Variants in LIPC observed in about 807,000 individuals in gnomAD.
The protein encoded by LIPC is lipase C, hepatic type.
In LIPC, 44 loss-of-function variants were observed where a neutral mutation model predicts 50.7. The ratio of observed to expected loss-of-function variants is 0.87; its 90% CI spans 0.68 to 1.11. The LOEUF (loss-of-function observed/expected upper bound fraction) is 1.11. Ranked by LOEUF, LIPC falls within the 50% of genes most tolerant of loss-of-function variation. The pLI is 0.00. For synonymous variants in LIPC, 271 were observed against 256.4 expected (o/e 1.06, Z -0.54); for missense variants, 697 against 648.2 (o/e 1.08, Z -0.82).
At chr15:58,490,102 A>G (rs1176867886) in intron 1 of LIPC, among the ~76,000 whole-genome samples, 1 of 152,258 alleles carries the variant, frequency 6.6e-6, no homozygotes, top group Non-Finnish European at 1.5e-5. Flanking sequence ...GACAGGATTT[A>G]CTATTCAGCA....
chr15:58,477,639 C>T (rs1294748032), intron 1 of LIPC, among the ~76,000 whole-genome samples: 1 of 152,152 alleles, frequency 6.6e-6, no homozygotes, highest in East Asian at 1.9e-4. Flanking sequence ...TTTTCAGCTC[C>T]ACTCATTCTG....
At chr15:58,529,629 G>A (rs1892899056) in intron 1 of LIPC, among the ~76,000 whole-genome samples, 1 of 152,236 alleles carries the variant, frequency 6.6e-6, no homozygotes, top group African/African-American at 2.4e-5. Flanking sequence ...CGGCCTTTAT[G>A]TGGCATGGAA....
At chr15:58,557,588 T>A (rs1420179037) in intron 6 of LIPC, among the ~76,000 whole-genome samples, 1 of 152,012 alleles carries the variant, frequency 6.6e-6, no homozygotes, top group Non-Finnish European at 1.5e-5. Context: ...GGTTTCACCG[T>A]GTTAGCCAGG....
At chr15:58,496,743 C>CAAAAA (rs10716717) in intron 1 of LIPC, among the ~76,000 whole-genome samples, 24 of 114,174 alleles carry the variant, frequency 2.1e-4, no homozygotes, top group Admixed American at 5.2e-4. Context: ...TCTTCCCCCT[C>CAAAAA]AAAAAAAAAA....
chr15:58,454,212 C>T (rs1210547619), intron 1 of LIPC: 1 of 152,188 alleles, frequency 6.6e-6, no homozygotes, highest in Non-Finnish European at 1.5e-5. Context: ...AGCAAATAAC[C>T]AGAGAAATAG....
At chr15:58,518,986 G>A (rs1370043459) in intron 1 of LIPC, among the ~76,000 whole-genome samples, 4 of 151,858 alleles carry the variant, frequency 2.6e-5, no homozygotes, top group Non-Finnish European at 5.9e-5. Flanking sequence ...GTTGACTCTA[G>A]AACCAAATTG....
intron 1 of LIPC, among the ~76,000 whole-genome samples, chr15:58,491,177 A>G (rs935974858): frequency 3.9e-5 from 6 of 152,158 alleles, no homozygotes; most frequent in Admixed American, 2.6e-4. Context: ...CCCCATCGCC[A>G]AAGAAAGCTC....
chr15:58,485,423 C>T (rs761963456), intron 1 of LIPC, among the ~76,000 whole-genome samples: 1 of 152,068 alleles, frequency 6.6e-6, no homozygotes, highest in Admixed American at 6.5e-5. Flanking sequence ...TGTTGGGTGC[C>T]GGAGGGGAAG....
In LIPC at chr15:58,493,537, A is replaced by G. The variant is rs200569892; in HGVS notation, c.89-44796A>G. Among the ~76,000 whole-genome samples, 15 of 150,350 alleles carry G rather than the reference A, an allele frequency of 1.0e-4. No individual in the cohort carries two copies. In the East Asian group the frequency reaches 2.7e-3, roughly 27 times the overall value. On this transcript the variant is annotated intron_variant, in intron 1 of 8. Coordinates refer to ENST00000299022, the MANE Select transcript of LIPC (RefSeq NM_000236.3). ...CCTAGAAAAAAAGTATGTATTTTGT[A>G]TATATACAAAATTTATTACATATAA...
chr15:58,452,277 T>C (rs1444708811), intron 1 of LIPC, among the ~76,000 whole-genome samples: 1 of 152,216 alleles, frequency 6.6e-6, no homozygotes, highest in Non-Finnish European at 1.5e-5. Context: ...CAGTCTGGGT[T>C]TTAACGCACC....
At chr15:58,437,851 C>T (rs1374445711) in intron 1 of LIPC, among the ~76,000 whole-genome samples, 1 of 152,190 alleles carries the variant, frequency 6.6e-6, no homozygotes, top group African/African-American at 2.4e-5. Context: ...TTCTATCTTT[C>T]CCATGCAAGA....
chr15:58,461,765 G>A (rs376585067), intron 1 of LIPC, among the ~76,000 whole-genome samples: 19 of 152,014 alleles, frequency 1.2e-4, no homozygotes, highest in East Asian at 5.8e-4. Context: ...TCTATGTGCC[G>A]AAGAAAGGAA....
chr15:58,557,783 A>T (rs1285431975), intron 6 of LIPC, among the ~76,000 whole-genome samples: 1 of 152,186 alleles, frequency 6.6e-6, no homozygotes, highest in Non-Finnish European at 1.5e-5. Flanking sequence ...ATCGGTTACT[A>T]TGAGTGTTCC....
chr15:58,547,846 G>A (rs1216998496), intron 5 of LIPC, among the ~76,000 whole-genome samples: 1 of 152,072 alleles, frequency 6.6e-6, no homozygotes, highest in African/African-American at 2.4e-5. Flanking sequence ...GACCATCAGA[G>A]TGCCACGGGA....
At chr15:58,460,782 C>A (rs11629736) in intron 1 of LIPC, among the ~76,000 whole-genome samples, 4 of 152,008 alleles carry the variant, frequency 2.6e-5, no homozygotes, top group East Asian at 1.9e-4. Context: ...AGAGAACAGC[C>A]AGCGAGAATG....
intron 1 of LIPC, among the ~76,000 whole-genome samples, chr15:58,528,908 C>T (rs1892868252): frequency 6.6e-6 from 1 of 152,186 alleles, no homozygotes; most frequent in South Asian, 2.1e-4. Context: ...CAGTGCCTGT[C>T]CCTACCTGCC....
intron 1 of LIPC, among the ~76,000 whole-genome samples, chr15:58,471,105 T>A (rs1254566639): frequency 2.0e-5 from 3 of 150,618 alleles, no homozygotes; most frequent in Non-Finnish European, 4.4e-5. Flanking sequence ...AGGCCAGAGA[T>A]GGTAAGTAGG....
chr15:58,480,837 T>G (rs1034850307), intron 1 of LIPC, among the ~76,000 whole-genome samples: 1 of 152,186 alleles, frequency 6.6e-6, no homozygotes. Flanking sequence ...TGTCCTGATT[T>G]AGAACTTGGG....
At chr15:58,519,572 C>T (rs1470590529) in intron 1 of LIPC, among the ~76,000 whole-genome samples, 3 of 152,238 alleles carry the variant, frequency 2.0e-5, no homozygotes, top group African/African-American at 7.2e-5. Context: ...ACCATCAAGA[C>T]AGGCACATCT....
Sources: gnomAD v4.1 joint callset for allele counts (sites outside exome capture counted in the v4.1 genomes callset) on GRCh38, gnomAD v4.1.1 for gene constraint, MANE v1.5 for transcripts, NCBI Gene and HGNC (gene_info 2026-07-23, HGNC 2026-07-21) for gene names.